The following TOPBP1 variants were observed in gnomAD, a reference collection of about 807,000 sequenced individuals.
TOPBP1 encodes the protein DNA topoisomerase 2-binding protein 1.
Under a neutral mutation model 167.7 loss-of-function variants are expected in TOPBP1, and 28 were observed. The observed-to-expected ratio is 0.17, with a 90% CI of 0.12 to 0.23. TOPBP1 has a LOEUF of 0.23. TOPBP1 is among the 10% of genes least tolerant of loss of function. TOPBP1 has a pLI of 1.00. For missense variants in TOPBP1, 1,554 were observed against 1,809.6 expected (o/e 0.86, Z 2.56); for synonymous variants, 598 against 611.4 (o/e 0.98, Z 0.32).
At chr3:133,643,994 T>C in intron 11 of TOPBP1, 26 bp downstream of exon 11, 1 of 1,552,892 alleles carries the variant, frequency 6.4e-7, no homozygotes, top group African/African-American at 1.4e-5. Context: ...TTCGATACTT[T>C]ATTTCAACCA....
chr3:133,607,521 A>G (rs1316246469), intron 27 of TOPBP1, among the ~76,000 whole-genome samples: 1 of 151,994 alleles, frequency 6.6e-6, no homozygotes, highest in African/African-American at 2.4e-5. Flanking sequence ...ACCATTTTAC[A>G]CTTCCCACCA....
intron 10 of TOPBP1, among the ~76,000 whole-genome samples, chr3:133,647,660 C>A (rs1280499549): frequency 3.9e-5 from 6 of 151,962 alleles, no homozygotes; most frequent in Non-Finnish European, 8.8e-5. Flanking sequence ...CATAGTAGCA[C>A]CCCATCTCTA....
chr3:133,623,743 C>T (rs1935175689), intron 17 of TOPBP1, among the ~76,000 whole-genome samples: 1 of 152,172 alleles, frequency 6.6e-6, no homozygotes, highest in Non-Finnish European at 1.5e-5. Context: ...AAAAGAAACA[C>T]AGATCTAAAC....
intron 23 of TOPBP1, among the ~76,000 whole-genome samples, chr3:133,616,412 G>A (rs1389944587): frequency 6.6e-6 from 1 of 152,088 alleles, no homozygotes; most frequent in Non-Finnish European, 1.5e-5. Context: ...ACGAGCCACC[G>A]TGCCTGGCCT....
At chr3:133,658,012 T>A (rs1936540055) in intron 3 of TOPBP1, 71 bp from the exon 4 acceptor site, 1 of 1,282,406 alleles carries the variant, frequency 7.8e-7, no homozygotes, top group African/African-American at 1.5e-5. Flanking sequence ...TTACATTTTG[T>A]AACATTCACC....
chr3:133,646,017 C>T (rs374057611), intron 10 of TOPBP1, among the ~76,000 whole-genome samples: 2 of 151,706 alleles, frequency 1.3e-5, no homozygotes, highest in African/African-American at 2.4e-5. Flanking sequence ...CATGGTGGCA[C>T]GTGCCTGTAA....
chr3:133,644,492 A>G (rs776244119), intron 10 of TOPBP1, 129 bp from the exon 11 acceptor site: 7 of 880,886 alleles, frequency 7.9e-6, no homozygotes, highest in Non-Finnish European at 1.0e-5. Flanking sequence ...GCTTACGTGT[A>G]TAATAAAGGG....
chr3:133,628,601 G>A lies in TOPBP1; in HGVS notation c.2653C>T (p.Leu885Phe). 6.2e-7 allele frequency: 1 copy of A among 1,611,074 alleles called. No individual in the cohort carries two copies. The highest frequency in any genetic ancestry group is 8.5e-7 in the Non-Finnish European group (1 of 1,178,636). ...LANSSRNAVA[L>F]SASPQLKEAQ... ...TCTTTCAGTTGAGGGCTGGCAGAAA[G>A]AGCGACAGCATTTCGAGAGCTATTT... Residue 885 changes from leucine (L) to phenylalanine (F), a missense_variant, in exon 15 of 28, where the codon CTT (leucine) becomes TTT (phenylalanine). By Grantham distance (22) the Leu-to-Phe change is conservative. Coordinates refer to ENST00000260810, the MANE Select transcript of TOPBP1 (RefSeq NM_007027.4).
chr3:133,618,495 A>G lies in TOPBP1; in HGVS notation c.3372-62T>C, dbSNP rs143569782. Reference sequence around the variant, plus strand: ...TAACAAATCCAAACTCATTAAATCCATAAGTTAGACCATAAAAGTTGTGGC... The same window carrying G: ...TAACAAATCCAAACTCATTAAATCCGTAAGTTAGACCATAAAAGTTGTGGC... On this transcript the variant is annotated intron_variant, in intron 20 of 27. Coordinates refer to ENST00000260810, the MANE Select transcript of TOPBP1 (RefSeq NM_007027.4). The G allele has an allele frequency of 6.0e-4, 910 of 1,522,950 alleles. 1 individual carries two copies. In the African/African-American group the frequency reaches 8.6e-3, roughly 14 times the overall value. 94.3% of individuals were successfully genotyped at this position (1,522,950 alleles called of 1,614,324 possible). A position where few individuals can be genotyped will look rare whatever the true frequency, so the allele number is the denominator to read the frequency against.
At chr3:133,632,796 AG>A (rs1488803368) in intron 14 of TOPBP1, among the ~76,000 whole-genome samples, 1 of 152,080 alleles carries the variant, frequency 6.6e-6, no homozygotes, top group Non-Finnish European at 1.5e-5. Context: ...TTTTTGAGAC[AG>A]GGTCTCAGTT....
At chr3:133,612,594 C>T in intron 23 of TOPBP1, 42 bp from the exon 24 acceptor site, 1 of 1,526,708 alleles carries the variant, frequency 6.6e-7, no homozygotes, top group Non-Finnish European at 8.9e-7. Context: ...TGATTCCCAA[C>T]TTCTTTCTAG....
chr3:133,646,990 G>A (rs980851139), intron 10 of TOPBP1, among the ~76,000 whole-genome samples: 3 of 152,178 alleles, frequency 2.0e-5, no homozygotes, highest in Admixed American at 6.5e-5. Flanking sequence ...CAGTAACCCA[G>A]ACCCTTGGAA....
At position 133,649,965 on chromosome 3, in the gene TOPBP1, A is replaced by C. The variant is rs1459416033; in HGVS notation, c.1090-22T>G. Reference sequence around the variant, plus strand: ...ATATCTGCAAGAAAGAAAATATTTAATATACATAACATGCTTTCTCTCAAT... The same window carrying C: ...ATATCTGCAAGAAAGAAAATATTTACTATACATAACATGCTTTCTCTCAAT... On this transcript the variant is annotated intron_variant, in intron 8 of 27. Coordinates refer to ENST00000260810, the MANE Select transcript of TOPBP1 (RefSeq NM_007027.4). The C allele has an allele frequency of 2.0e-6, 3 of 1,535,200 alleles. No homozygotes were observed. In the East Asian group the frequency reaches 7.1e-5, roughly 36 times the overall value.
rs746604644 is a variant in TOPBP1, at chr3:133,657,829, A to G, written c.332T>C (p.Ile111Thr). The change falls in exon 4 of 28, where the codon ATA becomes ACA. Residue 111 changes from isoleucine (I) to threonine (T), a missense_variant. Transcript: ENST00000260810. ...TTCTTTTTCCAGACTTGTACAAGAT[A>G]TGGTTACATCAGACATAACCATATT... ...VYNMVMSDVT[I>T]SCTSLEKEKR... 6.4e-7 allele frequency: 1 copy of G among 1,574,114 alleles called. No individual in the cohort carries two copies. The highest frequency in any genetic ancestry group is 8.6e-7 in the Non-Finnish European group (1 of 1,165,716).
rs188722133 is a variant in TOPBP1 at position 133,652,729 on chromosome 3, A to C, written c.923-100T>G. On this transcript the variant is annotated intron_variant, in intron 7 of 27. Coordinates refer to ENST00000260810, the MANE Select transcript of TOPBP1 (RefSeq NM_007027.4). The stretch of plus-strand genomic sequence containing the variant: ...TTCTTACAAATATAGGGCAATAAAC[A>C]ACTTCCAAAGTAAGATTCAGGGGTG... 5.5e-3 allele frequency: 5,411 copies of C among 989,702 alleles called. 21 individuals are homozygous for C. Among genetic ancestry groups the C allele is most frequent in the Non-Finnish European group, 6.1e-3 (4,175 of 681,766 alleles). The allele number at this position is 989,702 out of a possible 1,614,324, so 61.3% of individuals were successfully genotyped here.
intron 19 of TOPBP1, among the ~76,000 whole-genome samples, chr3:133,620,622 C>T (rs1351945233): frequency 6.7e-6 from 1 of 148,672 alleles, no homozygotes; most frequent in African/African-American, 2.5e-5. Flanking sequence ...GTCGCCCAGG[C>T]TGGACAGTGG....
At chr3:133,643,104 G>C in intron 12 of TOPBP1, 96 bp downstream of exon 12, 1 of 1,227,574 alleles carries the variant, frequency 8.1e-7, no homozygotes, top group Non-Finnish European at 1.1e-6. Flanking sequence ...ATATAATAAA[G>C]ACACCCAACC....
At chr3:133,637,411 C>A (rs1249236230) in intron 14 of TOPBP1, among the ~76,000 whole-genome samples, 1 of 152,104 alleles carries the variant, frequency 6.6e-6, no homozygotes. Context: ...TTACAGGAAA[C>A]AATTCAAGTA....
chr3:133,649,540 T>C lies in TOPBP1; in HGVS notation c.1347A>G (p.Pro449=), dbSNP rs1238577479. The change falls in exon 10 of 28, where the codon CCA becomes CCG. Residue 449 remains proline, a synonymous_variant. Transcript: ENST00000260810. The part of the protein sequence containing the change: ...EEPYIHANYQ[P]VEIPVSHKPE... The stretch of plus-strand genomic sequence containing the variant: ...GCTTATGTGAAACTGGAATTTCCAC[T>C]GGCTGGTAATTAGCATGGATATATG... 33 of 1,613,822 alleles carry C rather than the reference T, an allele frequency of 2.0e-5. No individual in the cohort carries two copies. Among genetic ancestry groups the C allele is most frequent in the Admixed American group, 1.0e-4 (6 of 60,012 alleles).
Sources: gnomAD v4.1 joint callset for allele counts (sites outside exome capture counted in the v4.1 genomes callset) on GRCh38, gnomAD v4.1.1 for gene constraint, MANE v1.5 for transcripts, NCBI Gene and HGNC (gene_info 2026-07-23, HGNC 2026-07-21) for gene names.